SLC25A12: variants seen among roughly 807,000 people sequenced by gnomAD.
SLC25A12 encodes the protein solute carrier family 25 member 12, also known as electrogenic aspartate/glutamate antiporter SLC25A12, mitochondrial.
Under a neutral mutation model 83.3 loss-of-function variants are expected in SLC25A12, and 32 were observed. The observed-to-expected ratio is 0.38, with a 90% CI of 0.29 to 0.52. The LOEUF (loss-of-function observed/expected upper bound fraction) is 0.52. Among genes scored for constraint, SLC25A12 ranks in the 20% least tolerant of loss-of-function variants. The pLI is 0.84. For synonymous variants in SLC25A12, 267 were observed against 291.1 expected (o/e 0.92, Z 0.84); for missense variants, 611 against 835.6 (o/e 0.73, Z 3.31).
intron 2 of SLC25A12, among the ~76,000 whole-genome samples, chr2:171,873,809 T>C (rs1685507180): frequency 6.6e-6 from 1 of 152,182 alleles, no homozygotes; most frequent in African/African-American, 2.4e-5. Flanking sequence ...TTTATATAAA[T>C]GATAGCATAC....
At chr2:171,841,194 C>G (rs1684665535) in intron 5 of SLC25A12, among the ~76,000 whole-genome samples, 1 of 152,184 alleles carries the variant, frequency 6.6e-6, no homozygotes, top group Non-Finnish European at 1.5e-5. Flanking sequence ...ATTCTCCTGC[C>G]TCAGCCTCCC....
At chr2:171,882,403 C>T (rs1685715619) in intron 2 of SLC25A12, among the ~76,000 whole-genome samples, 1 of 152,178 alleles carries the variant, frequency 6.6e-6, no homozygotes, top group Non-Finnish European at 1.5e-5. Flanking sequence ...GACAATAATT[C>T]CTAGACTTAA....
intron 2 of SLC25A12, among the ~76,000 whole-genome samples, chr2:171,885,954 C>T (rs1685808824): frequency 6.6e-6 from 1 of 152,144 alleles, no homozygotes; most frequent in Non-Finnish European, 1.5e-5. Flanking sequence ...TTATTCTTCC[C>T]TCAAGTTAAC....
At chr2:171,814,391 A>G (rs1200599872) in intron 10 of SLC25A12, among the ~76,000 whole-genome samples, 1 of 152,098 alleles carries the variant, frequency 6.6e-6, no homozygotes, top group Non-Finnish European at 1.5e-5. Context: ...CGATAAGGGA[A>G]AGGAAAACAT....
intron 3 of SLC25A12, among the ~76,000 whole-genome samples, chr2:171,862,542 T>G (rs951962067): frequency 3.0e-4 from 45 of 152,070 alleles, no homozygotes; most frequent in Admixed American, 2.7e-3. Context: ...GGAAAGGAGA[T>G]GGGGAACAAG....
rs199764487 is a variant in SLC25A12 at position 171,810,258 on chromosome 2, A to G, written c.1190T>C (p.Ile397Thr). The change falls in exon 12 of 18, where the codon ATA becomes ACA. Residue 397 changes from isoleucine (I) to threonine (T), a missense_variant. Physicochemically the swap from Ile to Thr is moderately conservative, Grantham distance 89. Coordinates refer to ENST00000422440, the MANE Select transcript of SLC25A12 (RefSeq NM_003705.5). Reference sequence around the variant, plus strand: ...AATGGCCTTTTCTGGAGCAACCCCTATAAGTTGTGGTATCAGACCTAGGTA... The same window carrying G: ...AATGGCCTTTTCTGGAGCAACCCCTGTAAGTTGTGGTATCAGACCTAGGTA... ...GLYRGLIPQL[I>T]GVAPEKAIKL... The G allele has an allele frequency of 1.3e-5, 21 of 1,613,486 alleles. No individual in the cohort carries two copies. The highest frequency in any genetic ancestry group is 2.2e-5 in the East Asian group (1 of 44,884).
chr2:171,869,715 C>G (rs1245591835), intron 2 of SLC25A12, among the ~76,000 whole-genome samples: 1 of 152,182 alleles, frequency 6.6e-6, no homozygotes, highest in Non-Finnish European at 1.5e-5. Flanking sequence ...AAGCCCTTCT[C>G]CTTGAGTTGC....
rs145394954 is a variant in SLC25A12 at position 171,799,311 on chromosome 2, A to G, written c.1306-5544T>C. Reference sequence around the variant, plus strand: ...CATAAGCCACTTTTGACATAAATATATAAGGATTTTCAACTTGTATGCATA... The same window carrying G: ...CATAAGCCACTTTTGACATAAATATGTAAGGATTTTCAACTTGTATGCATA... On this transcript the variant is annotated intron_variant, in intron 13 of 17. Transcript: ENST00000422440. Among the ~76,000 whole-genome samples, 5 of 152,358 alleles carry G rather than the reference A, an allele frequency of 3.3e-5. No individual in the cohort carries two copies. In the East Asian group the frequency reaches 9.6e-4, roughly 29 times the overall value.
intron 9 of SLC25A12, among the ~76,000 whole-genome samples, chr2:171,819,220 A>G (rs1196132063): frequency 7.5e-5 from 10 of 133,122 alleles, no homozygotes; most frequent in Non-Finnish European, 1.2e-4. Flanking sequence ...TATATAATAC[A>G]TATTATATAT....
At chr2:171,843,243 G>A (rs2176466) in intron 5 of SLC25A12, among the ~76,000 whole-genome samples, 117,389 of 152,176 alleles carry the variant, frequency 0.77, 46,360 homozygotes, top group East Asian at 0.9. Flanking sequence ...TGTTTTAAAC[G>A]CATTAAAAAG....
chr2:171,787,797 C>T lies in SLC25A12; in HGVS notation c.1736G>A (p.Gly579Glu), dbSNP rs1690516489. Residue 579 changes from glycine to glutamate, a missense_variant, in exon 16 of 18, where the codon GGG becomes GAG. Around this residue, in one of 3 missense-constraint regions of SLC25A12, gnomAD observed 540 missense variants for 777.5 expected, o/e 0.69. Transcript: ENST00000422440. ...CTCCAGCCCCTGCCTACCTGCAGTC[C>T]CTTTCCAAAATGCTGAGGGCCCTTC... ...REEGPSAFWK[G>E]TAARVFRSSP... The T allele has an allele frequency of 6.2e-7, 1 of 1,614,054 alleles. No homozygotes were observed. The highest frequency in any genetic ancestry group is 1.3e-5 in the African/African-American group (1 of 74,920).
At chr2:171,837,495 A>G (rs1470935331) in intron 5 of SLC25A12, among the ~76,000 whole-genome samples, 1 of 152,248 alleles carries the variant, frequency 6.6e-6, no homozygotes, top group Non-Finnish European at 1.5e-5. Flanking sequence ...ATGAGAGCAC[A>G]TCAATAAAGG....
chr2:171,871,863 G>T, intron 2 of SLC25A12: 1 of 303,964 alleles, frequency 3.3e-6, no homozygotes, highest in Non-Finnish European at 4.7e-6. Context: ...AGGTTGCAAT[G>T]AGCCAAGATT....
rs990793157 is a variant in SLC25A12, at chr2:171,843,881, C to T, written c.465+488G>A. Among the ~76,000 whole-genome samples the T allele has an allele frequency of 2.7e-5, 4 of 150,312 alleles. No homozygotes were observed. In the East Asian group the frequency reaches 5.9e-4, roughly 22 times the overall value. The stretch of plus-strand genomic sequence containing the variant: ...TGTGATCCCAGCTCACTGCAAGCTC[C>T]GCCTCCCAGGTTCACACCATTCTCC... On this transcript the variant is annotated intron_variant, in intron 5 of 17. Transcript: ENST00000422440.
chr2:171,831,599 G>A, intron 8 of SLC25A12, among the ~76,000 whole-genome samples: 1 of 152,128 alleles, frequency 6.6e-6, no homozygotes, highest in Non-Finnish European at 1.5e-5. Context: ...TGGAAGTTGT[G>A]ATAGGGTTCA....
At chr2:171,862,910 T>C (rs187232770) in intron 3 of SLC25A12, among the ~76,000 whole-genome samples, 5 of 152,248 alleles carry the variant, frequency 3.3e-5, no homozygotes, top group Non-Finnish European at 7.4e-5. Context: ...TTTTTTCTTT[T>C]TCGTTAAGAC....
chr2:171,824,148 C>T (rs1307612073), intron 9 of SLC25A12, among the ~76,000 whole-genome samples: 1 of 152,164 alleles, frequency 6.6e-6, no homozygotes, highest in Non-Finnish European at 1.5e-5. Flanking sequence ...TTTATCACTG[C>T]CCATTTCCTA....
At chr2:171,815,271 G>T in intron 9 of SLC25A12, 69 bp from the exon 10 acceptor site, 1 of 1,096,544 alleles carries the variant, frequency 9.1e-7, no homozygotes. Flanking sequence ...GCTACAATTT[G>T]ACTATTTTAA....
chr2:171,814,762 C>T (rs957450796), intron 10 of SLC25A12, among the ~76,000 whole-genome samples: 1 of 152,084 alleles, frequency 6.6e-6, no homozygotes, highest in African/African-American at 2.4e-5. Context: ...TCTGTTCCTG[C>T]GTTAGTTTGC....
Sources: allele counts gnomAD v4.1 joint callset (sites outside exome capture counted in the v4.1 genomes callset), GRCh38; gene constraint gnomAD v4.1.1; regional missense constraint gnomAD v4.1.1; transcripts MANE v1.5; gene names NCBI Gene and HGNC (gene_info 2026-07-23, HGNC 2026-07-21).